Variants in CD2AP observed in about 807,000 individuals in gnomAD.
The protein encoded by CD2AP is CD2-associated protein.
CD2AP carries 46 observed loss-of-function variants against 85.1 expected under a neutral mutation model. That is an observed-to-expected ratio of 0.54 (90% CI 0.43 to 0.69). CD2AP has a LOEUF of 0.69. Among genes scored for constraint, CD2AP ranks in the 30% least tolerant of loss-of-function variants. CD2AP has a pLI of 0.00. For synonymous variants in CD2AP, 255 were observed against 252.9 expected (o/e 1.01, Z -0.08); for missense variants, 769 against 729.5 (o/e 1.05, Z -0.62).
chr6:47,599,663 T>C (rs1769066728), intron 13 of CD2AP, among the ~76,000 whole-genome samples: 1 of 152,062 alleles, frequency 6.6e-6, no homozygotes, highest in African/African-American at 2.4e-5. Flanking sequence ...GGTTTCTTAC[T>C]GATCAGAGGA....
intron 5 of CD2AP, among the ~76,000 whole-genome samples, chr6:47,557,043 C>T (rs571713755): frequency 2.0e-5 from 3 of 151,930 alleles, no homozygotes; most frequent in South Asian, 2.1e-4. Context: ...GGTAGCTCAT[C>T]GTGATTTTGA....
chr6:47,484,707 C>G (rs1765524343), intron 1 of CD2AP, among the ~76,000 whole-genome samples: 1 of 152,114 alleles, frequency 6.6e-6, no homozygotes, highest in African/African-American at 2.4e-5. Context: ...AGTTTCTCAA[C>G]TCATTTGCAA....
intron 11 of CD2AP, 64 bp from the exon 12 acceptor site, chr6:47,595,797 T>C: frequency 7.0e-7 from 1 of 1,436,846 alleles, no homozygotes; most frequent in South Asian, 1.2e-5. Flanking sequence ...ATACAAACTT[T>C]TGGAAATAGA....
intron 1 of CD2AP, among the ~76,000 whole-genome samples, chr6:47,480,410 A>C (rs906151966): frequency 6.6e-6 from 1 of 151,972 alleles, no homozygotes; most frequent in Non-Finnish European, 1.5e-5. Flanking sequence ...AAAATCTGAA[A>C]TTTTTTTTGT....
In CD2AP at chr6:47,625,466, C is replaced by T. The variant is rs2114171009; in HGVS notation, c.*1239C>T. On this transcript the variant is annotated 3_prime_UTR_variant, in exon 18 of 18. Transcript: ENST00000359314. The stretch of plus-strand genomic sequence containing the variant: ...CACAGAATGGATGAATTAGTTGTTT[C>T]TTCAGAGTTACTTATGAACAGTTGA... The T allele has an allele frequency of 1.3e-5, 2 of 152,062 alleles. No homozygotes were observed. The highest frequency in any genetic ancestry group is 4.1e-4 in the South Asian group (2 of 4,826). The allele number at this position is 152,062 out of a possible 1,614,324, so 9.4% of individuals were successfully genotyped here.
chr6:47,537,725 G>A (rs1767090505), intron 3 of CD2AP, among the ~76,000 whole-genome samples: 1 of 151,996 alleles, frequency 6.6e-6, no homozygotes, highest in African/African-American at 2.4e-5. Context: ...AAAGTAGGCA[G>A]TATCTTGAAC....
chr6:47,566,323 T>TATATACACACACAC, intron 5 of CD2AP, among the ~76,000 whole-genome samples: 27 of 108,290 alleles, frequency 2.5e-4, no homozygotes, highest in African/African-American at 6.1e-4. Flanking sequence ...TATATATATA[T>TATATACACACACAC]ACACATACAC....
chr6:47,491,453 C>T (rs1765732066), intron 1 of CD2AP, among the ~76,000 whole-genome samples: 1 of 151,576 alleles, frequency 6.6e-6, no homozygotes, highest in South Asian at 2.1e-4. Flanking sequence ...TTGTCATCTG[C>T]TATAATAAAG....
chr6:47,538,940 G>T (rs912056087), intron 3 of CD2AP, among the ~76,000 whole-genome samples: 2 of 151,994 alleles, frequency 1.3e-5, no homozygotes, highest in African/African-American at 4.8e-5. Context: ...ATTTGGTTTT[G>T]TTTTTTTAAA....
At chr6:47,601,372 A>G (rs1401305794) in intron 13 of CD2AP, among the ~76,000 whole-genome samples, 1 of 151,960 alleles carries the variant, frequency 6.6e-6, no homozygotes, top group African/African-American at 2.4e-5. Flanking sequence ...ACTAACAGCT[A>G]CTTTCAGGCT....
chr6:47,515,047 G>A (rs57046847), intron 2 of CD2AP, among the ~76,000 whole-genome samples: 46,542 of 149,154 alleles, frequency 0.31, 8,425 homozygotes, highest in Middle Eastern at 0.51. Flanking sequence ...GTGAGAGTCC[G>A]TCTTAAAAAA....
chr6:47,615,977 G>A (rs1347802633), intron 17 of CD2AP, among the ~76,000 whole-genome samples: 2 of 150,614 alleles, frequency 1.3e-5, no homozygotes, highest in African/African-American at 4.9e-5. Flanking sequence ...TAGAGACGGG[G>A]TTTCACTGTG....
At chr6:47,533,551 A>C (rs1163643919) in intron 2 of CD2AP, 51 bp from the exon 3 acceptor site, 12 of 1,544,946 alleles carry the variant, frequency 7.8e-6, no homozygotes, top group Non-Finnish European at 9.7e-6. Flanking sequence ...TGAGGATTTA[A>C]TATAAAAAAT....
intron 2 of CD2AP, 29 bp downstream of exon 2, chr6:47,503,469 C>T: frequency 6.3e-7 from 1 of 1,576,182 alleles, no homozygotes; most frequent in South Asian, 1.1e-5. Flanking sequence ...ATTTCTAGCT[C>T]TTGCTTCATA....
rs145847416 is a variant in CD2AP at position 47,586,349 on chromosome 6, A to G, written c.1108+4284A>G. On this transcript the variant is annotated intron_variant, in intron 11 of 17. Transcript: ENST00000359314. ...GTTAGTGAACTTGAAGACATAGCAA[A>G]TAGAACCATTAAAAATGTATAGAAA... Among the ~76,000 whole-genome samples, 4 of 152,338 alleles carry G rather than the reference A, an allele frequency of 2.6e-5. No individual in the cohort carries two copies. The East Asian group carries it at 7.7e-4, about 29-fold the overall frequency.
chr6:47,477,923 T>C lies in CD2AP; in HGVS notation c.-322T>C. 1 of 476,682 alleles carries C rather than the reference T, an allele frequency of 2.1e-6. No individual in the cohort carries two copies. Among genetic ancestry groups the C allele is most frequent in the Non-Finnish European group, 3.7e-6 (1 of 267,634 alleles). 29.5% of individuals were successfully genotyped at this position (476,682 alleles called of 1,614,324 possible). On this transcript the variant is annotated 5_prime_UTR_variant, in exon 1 of 18. Transcript: ENST00000359314. ...CCGAGGGTCTGGGCAAACCGGTGGG[T>C]CCCTCCCCACTGCGGGAGCGGCCAG...
intron 13 of CD2AP, among the ~76,000 whole-genome samples, chr6:47,605,020 T>C (rs1046251822): frequency 1.3e-5 from 2 of 152,028 alleles, no homozygotes; most frequent in African/African-American, 4.8e-5. Context: ...TCTAAATAAG[T>C]TGATGAATAA....
chr6:47,562,784 ACTGTGATGAGC>A (rs1302954059), intron 5 of CD2AP: 1 of 1,119,834 alleles, frequency 8.9e-7, no homozygotes, highest in Non-Finnish European at 1.3e-6. Flanking sequence ...CTTGCATCCA[ACTGTGATGAGC>A]CTTTGTATGT....
chr6:47,529,059 T>A (rs1478634221), intron 2 of CD2AP, among the ~76,000 whole-genome samples: 2 of 152,054 alleles, frequency 1.3e-5, no homozygotes, highest in Non-Finnish European at 2.9e-5. Context: ...TTAGGTTGTA[T>A]CTACTGAATT....
Sources: gnomAD v4.1 joint callset for allele counts (sites outside exome capture counted in the v4.1 genomes callset) on GRCh38, gnomAD v4.1.1 for gene constraint, MANE v1.5 for transcripts, NCBI Gene and HGNC (gene_info 2026-07-23, HGNC 2026-07-21) for gene names.